PCDHA1: variants seen among roughly 807,000 people sequenced by gnomAD.
PCDHA1 encodes the protein protocadherin alpha-1.
In PCDHA1, 42 loss-of-function variants were observed where a neutral mutation model predicts 61.3. The ratio of observed to expected loss-of-function variants is 0.69; its 90% CI spans 0.54 to 0.89. The LOEUF (loss-of-function observed/expected upper bound fraction) is 0.89, where lower values mean the gene tolerates loss of function less well. Among genes scored for constraint, PCDHA1 ranks in the 40% least tolerant of loss-of-function variants. The pLI, the probability that PCDHA1 is intolerant of heterozygous loss-of-function variation, is 0.00. For missense variants in PCDHA1, 1,256 were observed against 1,235.3 expected (o/e 1.02, Z -0.25); for synonymous variants, 610 against 553.8 (o/e 1.10, Z -1.43).
At chr5:140,802,426 A>G in intron 1 of PCDHA1, 1 of 1,614,230 alleles carries the variant, frequency 6.2e-7, no homozygotes, top group Non-Finnish European at 8.5e-7. Flanking sequence ...TTGGTGCTGG[A>G]CAGCCCTCTG....
chr5:140,905,851 A>G (rs1345912722), intron 1 of PCDHA1, among the ~76,000 whole-genome samples: 1 of 152,204 alleles, frequency 6.6e-6, no homozygotes, highest in Non-Finnish European at 1.5e-5. Context: ...ATTAAGGAGT[A>G]TTAACTCACA....
intron 1 of PCDHA1, among the ~76,000 whole-genome samples, chr5:140,971,368 G>A (rs1433220574): frequency 1.3e-5 from 2 of 152,186 alleles, no homozygotes; most frequent in Non-Finnish European, 2.9e-5. Context: ...TGCCAGGAGA[G>A]TGCATGACTT....
chr5:140,966,674 G>T, intron 1 of PCDHA1: 1 of 1,295,168 alleles, frequency 7.7e-7, no homozygotes, highest in Admixed American at 3.8e-5. Flanking sequence ...GGCGCAGGGT[G>T]GCACGAGCGG....
At chr5:140,950,065 G>A (rs1403260430) in intron 1 of PCDHA1, among the ~76,000 whole-genome samples, 1 of 151,574 alleles carries the variant, frequency 6.6e-6, no homozygotes, top group Non-Finnish European at 1.5e-5. Context: ...AGCTCTTCCT[G>A]TGCCATTGCT....
At chr5:140,825,403 T>C (rs1186037363) in intron 1 of PCDHA1, 1 of 146,224 alleles carries the variant, frequency 6.8e-6, no homozygotes, top group South Asian at 2.1e-4. Context: ...TAATATATTA[T>C]ATATTTTATA....
chr5:140,939,388 A>C, intron 1 of PCDHA1, among the ~76,000 whole-genome samples: 1 of 152,232 alleles, frequency 6.6e-6, no homozygotes, highest in East Asian at 1.9e-4. Context: ...CATTCAGATC[A>C]TAGCAAGTTT....
Position 140,787,073 on chromosome 5 carries a change from G to A in PCDHA1, c.783G>A (p.Val261=). ...AGACTACAGCAAATGGAACATTAGT[G>A]ACCACATTAAATGCCTCTGATGCTG... The part of the protein sequence containing the change: ...LLETTANGTL[V]TTLNASDADE... The change falls in exon 1 of 4, where the codon GTG becomes GTA. Residue 261 remains valine, a synonymous_variant. Coordinates refer to ENST00000504120, the MANE Select transcript of PCDHA1 (RefSeq NM_018900.4). The A allele has an allele frequency of 6.2e-7, 1 of 1,614,174 alleles. No individual in the cohort carries two copies. The highest frequency in any genetic ancestry group is 2.2e-5 in the East Asian group (1 of 44,892).
Position 140,788,165 on chromosome 5 carries a change from G to T in PCDHA1, c.1875G>T (p.Gly625=), listed in dbSNP as rs782716949. The change falls in exon 1 of 4, where the codon GGG becomes GGT. Residue 625 remains glycine, a synonymous_variant. Transcript: ENST00000504120. ...AGGARIPFRV[G]LYTGEISTTR... Reference sequence around the variant, plus strand: ...GCGCGCGCATCCCGTTCCGCGTGGGGCTGTACACGGGCGAGATCAGCACGA... The same window carrying T: ...GCGCGCGCATCCCGTTCCGCGTGGGTCTGTACACGGGCGAGATCAGCACGA... The T allele has an allele frequency of 3.1e-6, 5 of 1,614,034 alleles. No homozygotes were observed. Among genetic ancestry groups the T allele is most frequent in the East Asian group, 2.2e-5 (1 of 44,868 alleles).
intron 1 of PCDHA1, among the ~76,000 whole-genome samples, chr5:140,892,860 T>C (rs1554185404): frequency 6.6e-6 from 1 of 152,158 alleles, no homozygotes; most frequent in Non-Finnish European, 1.5e-5. Flanking sequence ...ATTCCTCCTG[T>C]GTAGCTATAA....
At chr5:140,966,777 C>T (rs1554228636) in intron 1 of PCDHA1, 2 of 1,510,822 alleles carry the variant, frequency 1.3e-6, no homozygotes, top group Non-Finnish European at 1.8e-6. Context: ...ATGGAGCAGG[C>T]GGGCACCAGA....
intron 1 of PCDHA1, chr5:140,829,406 G>A: frequency 1.2e-6 from 2 of 1,614,116 alleles, no homozygotes; most frequent in South Asian, 1.1e-5. Flanking sequence ...GTGGGCCACC[G>A]CCAGCTTGTC....
intron 1 of PCDHA1, among the ~76,000 whole-genome samples, chr5:140,899,664 G>A (rs1263525075): frequency 2.0e-5 from 3 of 152,126 alleles, no homozygotes; most frequent in African/African-American, 4.8e-5. Context: ...GTCTCTGCCC[G>A]GCTTTGGTAT....
Position 140,803,008 on chromosome 5 carries a change from A to T in PCDHA1, c.2394+14324A>T, listed in dbSNP as rs372042203. ...GCAGTGGATGCAGACTCAGGCTACA[A>T]CGCGTGGCTTTCGTATGAGCTGCAG... is the stretch of plus-strand genomic sequence containing the variant. On this transcript the variant is annotated intron_variant, in intron 1 of 3. Coordinates refer to ENST00000504120, the MANE Select transcript of PCDHA1 (RefSeq NM_018900.4). 7.4e-6 allele frequency: 12 copies of T among 1,613,880 alleles called. No individual in the cohort carries two copies. The Middle Eastern group carries it at 8.2e-4, about 111-fold the overall frequency.
intron 2 of PCDHA1, among the ~76,000 whole-genome samples, chr5:140,979,453 A>G (rs2096852067): frequency 6.6e-6 from 1 of 151,906 alleles, no homozygotes; most frequent in Admixed American, 6.6e-5. Flanking sequence ...TATTACCCTC[A>G]ATAATTGATT....
intron 1 of PCDHA1, chr5:140,828,396 G>T (rs1769734688): frequency 1.2e-6 from 2 of 1,614,160 alleles, no homozygotes; most frequent in South Asian, 1.1e-5. Context: ...AGCGCGGAGT[G>T]CAGCATCCAC....
At position 140,843,258 on chromosome 5, in the gene PCDHA1, G is replaced by T. The variant is rs2150356116; in HGVS notation, c.2394+54574G>T. 2 of 1,596,068 alleles carry T rather than the reference G, an allele frequency of 1.3e-6. 1 individual carries two copies. The highest frequency in any genetic ancestry group is 3.4e-5 in the Admixed American group (2 of 59,332). ...GACGAAGCGGACTCTCCGCGCCACC[G>T]TCTGCTGGTCCTGGTGAAGGATCAT... On this transcript the variant is annotated intron_variant, in intron 1 of 3. Coordinates refer to ENST00000504120, the MANE Select transcript of PCDHA1 (RefSeq NM_018900.4).
In PCDHA1 at chr5:140,849,618, A is replaced by T. The variant is rs2150442599; in HGVS notation, c.2394+60934A>T. On this transcript the variant is annotated intron_variant, in intron 1 of 3. Transcript: ENST00000504120. ...GACAGTTATTGCCCTGATTAGTGTG[A>T]TCGACCTAGACGCAGATGCCAACGG... is the stretch of plus-strand genomic sequence containing the variant. The T allele has an allele frequency of 1.9e-6, 3 of 1,598,686 alleles. No individual in the cohort carries two copies. The South Asian group carries it at 3.3e-5, about 18-fold the overall frequency.
intron 1 of PCDHA1, among the ~76,000 whole-genome samples, chr5:140,960,254 C>T (rs2095534958): frequency 6.6e-6 from 1 of 152,138 alleles, no homozygotes; most frequent in South Asian, 2.1e-4. Flanking sequence ...CTTCCTGGAG[C>T]TTCTGATAAA....
chr5:140,868,908 C>A, intron 1 of PCDHA1: 1 of 882,186 alleles, frequency 1.1e-6, no homozygotes, highest in Non-Finnish European at 1.7e-6. Context: ...TCGCTCTTTA[C>A]TTGGTGGAAA....
Sources: allele counts gnomAD v4.1 joint callset (sites outside exome capture counted in the v4.1 genomes callset), GRCh38; gene constraint gnomAD v4.1.1; transcripts MANE v1.5; gene names NCBI Gene and HGNC (gene_info 2026-07-23, HGNC 2026-07-21).